PHACTR2: variants seen among roughly 807,000 people sequenced by gnomAD.
PHACTR2 encodes chromosome 6 open reading frame 56.
Under a neutral mutation model 76.0 loss-of-function variants are expected in PHACTR2, and 30 were observed. The ratio of observed to expected loss-of-function variants is 0.39; its 90% CI spans 0.30 to 0.54. PHACTR2 has a LOEUF of 0.54. Among genes scored for constraint, PHACTR2 ranks in the 20% least tolerant of loss-of-function variants. The pLI is 0.61. For missense variants in PHACTR2, 696 were observed against 781.1 expected (o/e 0.89, Z 1.30); for synonymous variants, 292 against 292.5 (o/e 1.00, Z 0.02).
rs1455086627 is a variant in PHACTR2 at position 143,602,131 on chromosome 6, T to A, written c.217+64924T>A. Among the ~76,000 whole-genome samples the A allele has an allele frequency of 6.6e-6, 1 of 152,194 alleles. No homozygotes were observed. Among genetic ancestry groups the A allele is most frequent in the Non-Finnish European group, 1.5e-5 (1 of 68,036 alleles). ...TGCTGCCTAACATTAGTTCCTTTAG[T>A]TTTGTTTTCACTCTCGCTCTCCCCC... On this transcript the variant is annotated intron_variant, in intron 1 of 11. Transcript: ENST00000367584. This position sits in a 1 kb window ranked among gnomAD's most constrained non-coding sequence, Gnocchi z 6.1.
rs983642857 is a variant in PHACTR2, at chr6:143,811,909, C to G, written c.1922+4776C>G. On this transcript the variant is annotated intron_variant, in intron 12 of 12. Transcript: ENST00000440869. The surrounding 1 kb of genome is among the most constrained non-coding windows in gnomAD (Gnocchi z 4.1). ...AGGTGGTGGTACTCTTAGTACCAGC[C>G]TCTCTTGGGGAAAATAAACACCTTA... is the stretch of plus-strand genomic sequence containing the variant. 5.9e-5 allele frequency among the ~76,000 whole-genome samples: 9 copies of G among 152,130 alleles called. No homozygotes were observed. Among genetic ancestry groups the G allele is most frequent in the African/African-American group, 2.2e-4 (9 of 41,432 alleles).
chr6:143,768,040 A>C (rs377020097), intron 6 of PHACTR2, among the ~76,000 whole-genome samples: 4,742 of 152,084 alleles, frequency 0.031, 129 homozygotes, highest in South Asian at 0.12. Context: ...GTTTCACCAT[A>C]TAGGCCAAGC....
intron 1 of PHACTR2, among the ~76,000 whole-genome samples, chr6:143,567,068 C>T (rs2128430962): frequency 6.6e-6 from 1 of 152,254 alleles, no homozygotes; most frequent in African/African-American, 2.4e-5. Context: ...TCCTCATCAT[C>T]TACACGTCGC....
chr6:143,733,537 A>T lies in PHACTR2; in HGVS notation c.215-15448A>T, dbSNP rs1015094123. Among the ~76,000 whole-genome samples, 8 of 152,112 alleles carry T rather than the reference A, an allele frequency of 5.3e-5. No homozygotes were observed. The highest frequency in any genetic ancestry group is 1.9e-4 in the African/African-American group (8 of 41,446). ...GATTTGGGGTGAGGGGTAGGGAATGACTGCTTGTTTTCAATCCTTCTTTAG... is the reference window on the plus strand; with the variant it reads ...GATTTGGGGTGAGGGGTAGGGAATGTCTGCTTGTTTTCAATCCTTCTTTAG... On this transcript the variant is annotated intron_variant, in intron 2 of 12. Transcript: ENST00000440869. The surrounding 1 kb of genome is among the most constrained non-coding windows in gnomAD (Gnocchi z 4.0).
rs921579422 is a variant in PHACTR2, at chr6:143,803,893, C to T, written c.1846-3164C>T. Among the ~76,000 whole-genome samples the T allele has an allele frequency of 6.6e-6, 1 of 152,196 alleles. No individual in the cohort carries two copies. The highest frequency in any genetic ancestry group is 1.5e-5 in the Non-Finnish European group (1 of 68,040). On this transcript the variant is annotated intron_variant, in intron 11 of 12. Transcript: ENST00000440869. This position sits in a 1 kb window ranked among gnomAD's most constrained non-coding sequence, Gnocchi z 4.7. ...AAACTTATCCTGAGGTAAACAACTGCAGCCGTTAGTGTTGCCAGGCAAATA... is the reference window on the plus strand; with the variant it reads ...AAACTTATCCTGAGGTAAACAACTGTAGCCGTTAGTGTTGCCAGGCAAATA...
intron 1 of PHACTR2, among the ~76,000 whole-genome samples, chr6:143,564,197 A>G (rs1481233116): frequency 2.0e-4 from 3 of 14,864 alleles, no homozygotes; most frequent in Non-Finnish European, 4.7e-4. Flanking sequence ...GTGTGTGTGC[A>G]TATATATATA....
In PHACTR2 at chr6:143,772,003, A is replaced by G. The variant is rs1482633259; in HGVS notation, c.1233-255A>G. Among the ~76,000 whole-genome samples, 1 of 152,212 alleles carries G rather than the reference A, an allele frequency of 6.6e-6. No homozygotes were observed. Among genetic ancestry groups the G allele is most frequent in the Non-Finnish European group, 1.5e-5 (1 of 68,044 alleles). ...TAGCTGACACTTGAAGGAAAAAATA[A>G]TTTGCAAAATGTAGTTTTACCCTAT... On this transcript the variant is annotated intron_variant, in intron 6 of 12. Coordinates refer to ENST00000440869, the MANE Select transcript of PHACTR2 (RefSeq NM_001100164.2). This position sits in a 1 kb window ranked among gnomAD's most constrained non-coding sequence, Gnocchi z 5.4.
intron 10 of PHACTR2, among the ~76,000 whole-genome samples, chr6:143,786,087 C>T (rs934926303): frequency 2.0e-5 from 3 of 152,220 alleles, no homozygotes; most frequent in Admixed American, 6.5e-5. Context: ...CTGCTGCATC[C>T]TCAGGCTGCA....
At chr6:143,762,346 G>A (rs952415846) in intron 5 of PHACTR2, among the ~76,000 whole-genome samples, 1 of 152,120 alleles carries the variant, frequency 6.6e-6, no homozygotes, top group Admixed American at 6.5e-5. Context: ...TTTCATAAAC[G>A]ATTTTGAGGT....
intron 1 of PHACTR2, among the ~76,000 whole-genome samples, chr6:143,651,087 A>G (rs529691084): frequency 1.4e-4 from 22 of 152,364 alleles, no homozygotes; most frequent in African/African-American, 5.3e-4. Flanking sequence ...CATATGAAAA[A>G]AAAGCTCAAC....
intron 1 of PHACTR2, among the ~76,000 whole-genome samples, chr6:143,670,956 C>T (rs909723373): frequency 6.6e-6 from 1 of 150,990 alleles, no homozygotes; most frequent in Non-Finnish European, 1.5e-5. Context: ...TGGAGTCTCG[C>T]TCTGCAGCCC....
Position 143,765,425 on chromosome 6 carries a change from A to G in PHACTR2, c.859A>G (p.Thr287Ala). Residue 287 changes from threonine (T) to alanine (A), a missense_variant, in exon 6 of 13, where the codon ACT becomes GCT. Around this residue, in one of 2 missense-constraint regions of PHACTR2, gnomAD observed 460 missense variants for 450.9 expected, o/e 1.02. Transcript: ENST00000440869. The surrounding 1 kb of genome is among the most constrained non-coding windows in gnomAD (Gnocchi z 4.1). Reference sequence around the variant, plus strand: ...GAGAAAAACTGACAAGCAGCCAATAACTTCTCACCTGTCCTCAGACACAAC... The same window carrying G: ...GAGAAAAACTGACAAGCAGCCAATAGCTTCTCACCTGTCCTCAGACACAAC... The part of the protein sequence containing the change: ...GKRKTDKQPI[T>A]SHLSSDTTTS... 6.2e-7 allele frequency: 1 copy of G among 1,614,204 alleles called. No homozygotes were observed.
At chr6:143,675,143 T>G (rs1194034248), upstream of PHACTR2, among the ~76,000 whole-genome samples, 1 of 152,222 alleles carries the variant, frequency 6.6e-6, no homozygotes, top group Non-Finnish European at 1.5e-5. This position sits in a 1 kb window ranked among gnomAD's most constrained non-coding sequence, Gnocchi z 4.9. Context: ...ACACTGGCTT[T>G]CAGAAGGGGA....
intron 6 of PHACTR2, among the ~76,000 whole-genome samples, chr6:143,770,618 C>A (rs1775078849): frequency 6.6e-6 from 1 of 152,138 alleles, no homozygotes; most frequent in East Asian, 1.9e-4. Flanking sequence ...TGACAGTGAT[C>A]ACTCAGGTTT....
At chr6:143,771,900 C>T (rs748195975) in intron 6 of PHACTR2, among the ~76,000 whole-genome samples, 3 of 152,124 alleles carry the variant, frequency 2.0e-5, no homozygotes, top group Non-Finnish European at 4.4e-5. Context: ...GGATCGTCTT[C>T]AGGTCCCCAT....
intron 1 of PHACTR2, among the ~76,000 whole-genome samples, chr6:143,600,910 G>A (rs1775808586): frequency 6.6e-6 from 1 of 152,220 alleles, no homozygotes; most frequent in African/African-American, 2.4e-5. Flanking sequence ...CATTGAGCCT[G>A]GCCATTCCTG....
intron 1 of PHACTR2, among the ~76,000 whole-genome samples, chr6:143,638,157 C>A (rs115249989): frequency 0.014 from 2,145 of 152,274 alleles, 48 homozygotes; most frequent in African/African-American, 0.048. Flanking sequence ...ATACTAAGGT[C>A]TTCCTTGTAG....
intron 1 of PHACTR2, among the ~76,000 whole-genome samples, chr6:143,613,338 T>A (rs1436216506): frequency 6.6e-6 from 1 of 152,254 alleles, no homozygotes; most frequent in Non-Finnish European, 1.5e-5. Context: ...TTTTGGAGCA[T>A]CTGTTTTCAA....
At chr6:143,768,003 A>G (rs1191355401) in intron 6 of PHACTR2, among the ~76,000 whole-genome samples, 2 of 151,898 alleles carry the variant, frequency 1.3e-5, no homozygotes, top group Admixed American at 6.6e-5. Flanking sequence ...ACGCCTGGCT[A>G]ATTTTTGTAT....
Sources: gnomAD v4.1 joint callset for allele counts (sites outside exome capture counted in the v4.1 genomes callset) on GRCh38, gnomAD v4.1.1 for gene constraint, gnomAD v4.1.1 regional missense constraint, Gnocchi (gnomAD v3.1) non-coding constraint, MANE v1.5 for transcripts, NCBI Gene and HGNC (gene_info 2026-07-23, HGNC 2026-07-21) for gene names.